Variants in DOCK9 observed in about 807,000 individuals in gnomAD.
The protein encoded by DOCK9 is dedicator of cytokinesis protein 9.
In DOCK9, 89 loss-of-function variants were observed where a neutral mutation model predicts 263.3. The observed-to-expected ratio is 0.34, with a 90% CI of 0.28 to 0.40. DOCK9 has a LOEUF of 0.40. Among genes scored for constraint, DOCK9 ranks in the 10% least tolerant of loss-of-function variants. DOCK9 has a pLI of 1.00. For missense variants in DOCK9, 2,140 were observed against 2,603.4 expected (o/e 0.82, Z 3.87); for synonymous variants, 976 against 973.1 (o/e 1.00, Z -0.06).
rs560226655 is a variant in DOCK9 at position 98,826,963 on chromosome 13, T to C, written c.4966-76A>G. 1.4e-5 allele frequency: 16 copies of C among 1,115,162 alleles called. No homozygotes were observed. The South Asian group carries it at 2.3e-4, about 16-fold the overall frequency. 69.1% of individuals were successfully genotyped at this position (1,115,162 alleles called of 1,614,324 possible). On this transcript the variant is annotated intron_variant, in intron 43 of 52. Coordinates refer to ENST00000682017, the MANE Select transcript of DOCK9 (RefSeq NM_001366683.2). ...TAATGCTCCCACACAGACAGAAATC[T>C]AATCAATGTATGAACGTATATATTA... is the stretch of plus-strand genomic sequence containing the variant.
chr13:98,848,895 C>T (rs575898638), intron 36 of DOCK9, among the ~76,000 whole-genome samples: 58 of 152,086 alleles, frequency 3.8e-4, no homozygotes, highest in Non-Finnish European at 6.8e-4. Context: ...AGCAACACAG[C>T]GCAGAGGCCC....
chr13:98,797,096 G>A lies in DOCK9; in HGVS notation c.6156+19C>T, dbSNP rs774354895. On this transcript the variant is annotated intron_variant, in intron 52 of 52. Transcript: ENST00000682017. ...CCTAACCAAGAACTCCAAGTTGTTG[G>A]AGCCAGTGCGGCCCTCACCTGCTCA... is the stretch of plus-strand genomic sequence containing the variant. The A allele has an allele frequency of 1.9e-6, 3 of 1,613,872 alleles. No individual in the cohort carries two copies. The highest frequency in any genetic ancestry group is 2.5e-6 in the Non-Finnish European group (3 of 1,179,846).
At chr13:98,952,360 C>A (rs777550363) in intron 2 of DOCK9, among the ~76,000 whole-genome samples, 9 of 151,964 alleles carry the variant, frequency 5.9e-5, no homozygotes, top group Non-Finnish European at 1.0e-4. Context: ...CTCAGCCTCC[C>A]GAGTAGCTGG....
chr13:98,834,861 C>T (rs1273925969), intron 39 of DOCK9, among the ~76,000 whole-genome samples: 1 of 152,198 alleles, frequency 6.6e-6, no homozygotes, highest in East Asian at 1.9e-4. Flanking sequence ...ACTCAACTCA[C>T]TTCATCTTTC....
At chr13:99,058,636 C>T (rs1388110310) in intron 1 of DOCK9, among the ~76,000 whole-genome samples, 3 of 152,094 alleles carry the variant, frequency 2.0e-5, no homozygotes, top group African/African-American at 7.2e-5. Flanking sequence ...ACCAAGGGTT[C>T]CCCCCATCCA....
At chr13:98,986,169 G>A (rs1399850119) in intron 1 of DOCK9, among the ~76,000 whole-genome samples, 1 of 152,218 alleles carries the variant, frequency 6.6e-6, no homozygotes, top group Non-Finnish European at 1.5e-5. Context: ...AACACAAATT[G>A]CCGCCCTTCA....
chr13:99,065,547 A>G (rs1008722350), intron 1 of DOCK9, among the ~76,000 whole-genome samples: 1 of 152,180 alleles, frequency 6.6e-6, no homozygotes, highest in African/African-American at 2.4e-5. Flanking sequence ...ACATGACACC[A>G]GACGCAACTA....
intron 1 of DOCK9, among the ~76,000 whole-genome samples, chr13:99,070,940 T>G (rs1047001380): frequency 2.0e-5 from 3 of 152,232 alleles, no homozygotes; most frequent in Non-Finnish European, 4.4e-5. Flanking sequence ...AACAAAATAT[T>G]GCTTATTTTT....
At chr13:98,816,945 T>G (rs2091907495) in intron 45 of DOCK9, among the ~76,000 whole-genome samples, 1 of 152,112 alleles carries the variant, frequency 6.6e-6, no homozygotes, top group Admixed American at 6.5e-5. Context: ...CGGAGCTTCC[T>G]AAGTCAAACA....
chr13:98,978,851 C>T (rs1375287736), upstream of DOCK9, among the ~76,000 whole-genome samples: 4 of 152,090 alleles, frequency 2.6e-5, no homozygotes, highest in Admixed American at 1.3e-4. Flanking sequence ...GGATCACCAA[C>T]CTACGGTTCA....
At chr13:98,854,068 C>T (rs1019725142) in intron 34 of DOCK9, among the ~76,000 whole-genome samples, 3 of 152,072 alleles carry the variant, frequency 2.0e-5, no homozygotes, top group African/African-American at 7.2e-5. Context: ...TAGGCAGGTG[C>T]CCAACCGGGA....
At chr13:98,795,491 T>A (rs1391541084) in intron 52 of DOCK9, among the ~76,000 whole-genome samples, 4 of 152,194 alleles carry the variant, frequency 2.6e-5, no homozygotes, top group Non-Finnish European at 5.9e-5. Flanking sequence ...GCTGTTGGCA[T>A]AATGGGAAGT....
At chr13:98,931,490 G>A (rs2053926103) in intron 2 of DOCK9, among the ~76,000 whole-genome samples, 1 of 151,950 alleles carries the variant, frequency 6.6e-6, no homozygotes, top group African/African-American at 2.4e-5. Flanking sequence ...AGTAGAGACG[G>A]GGTTTCACCG....
intron 1 of DOCK9, among the ~76,000 whole-genome samples, chr13:99,028,835 A>G (rs1887046333): frequency 6.6e-6 from 1 of 152,198 alleles, no homozygotes; most frequent in Non-Finnish European, 1.5e-5. Flanking sequence ...AGACGAAAAG[A>G]AAGTAGTTTT....
intron 1 of DOCK9, among the ~76,000 whole-genome samples, chr13:99,031,599 G>C (rs1887349063): frequency 6.6e-6 from 1 of 152,154 alleles, no homozygotes; most frequent in Non-Finnish European, 1.5e-5. Context: ...AGCTAAGCTA[G>C]GTCTTTTTCA....
intron 45 of DOCK9, among the ~76,000 whole-genome samples, chr13:98,816,224 C>T (rs1403784256): frequency 6.6e-6 from 1 of 152,046 alleles, no homozygotes; most frequent in African/African-American, 2.4e-5. Context: ...GTCTATTAGG[C>T]TATGTGTCAT....
intron 5 of DOCK9, 139 bp from the exon 6 acceptor site, chr13:98,922,285 A>ATG: frequency 1.7e-6 from 1 of 576,050 alleles, no homozygotes; most frequent in South Asian, 2.2e-5. Flanking sequence ...ATTGACACCA[A>ATG]TGCCTACAAG....
At chr13:98,889,939 C>T (rs2046370915) in intron 15 of DOCK9, among the ~76,000 whole-genome samples, 1 of 152,192 alleles carries the variant, frequency 6.6e-6, no homozygotes, top group Admixed American at 6.5e-5. Context: ...GCCATACCAT[C>T]CTAGTGACTC....
At chr13:98,995,611 C>G (rs1213246292) in intron 1 of DOCK9, among the ~76,000 whole-genome samples, 2 of 151,652 alleles carry the variant, frequency 1.3e-5, no homozygotes, top group East Asian at 3.9e-4. Context: ...GCCTCAGCCT[C>G]CCGAGTAGCT....
Sources: gnomAD v4.1 joint callset for allele counts (sites outside exome capture counted in the v4.1 genomes callset) on GRCh38, gnomAD v4.1.1 for gene constraint, MANE v1.5 for transcripts, NCBI Gene and HGNC (gene_info 2026-07-23, HGNC 2026-07-21) for gene names.